Variants in PPFIA2 observed in about 807,000 individuals in gnomAD.
PPFIA2 encodes the protein liprin-alpha-2.
Under a neutral mutation model 175.5 loss-of-function variants are expected in PPFIA2, and 46 were observed. The ratio of observed to expected loss-of-function variants is 0.26; its 90% CI spans 0.21 to 0.34. The LOEUF is 0.34. PPFIA2 is among the 10% of genes least tolerant of loss of function. The probability of loss-of-function intolerance (pLI) is 1.00; values close to 1 mark genes in which losing one functional copy is unlikely to be tolerated. For synonymous variants in PPFIA2, 568 were observed against 511.4 expected (o/e 1.11, Z -1.49); for missense variants, 1,179 against 1,506.1 (o/e 0.78, Z 3.60).
In PPFIA2 at chr12:81,436,279, TAAAAAAAAAAAAAAAAAAAAAAAAAA is replaced by T. The variant is rs763809833; in HGVS notation, c.645+3667_645+3692del. 1.7e-3 allele frequency among the ~76,000 whole-genome samples: 75 copies of T among 44,802 alleles called. 1 individual carries two copies. In the South Asian group the frequency reaches 0.024, roughly 14 times the overall value. The allele number at this position is 44,802 out of a possible 152,430, so 29.4% of individuals were successfully genotyped here. A position where few individuals can be genotyped will look rare whatever the true frequency, so the allele number is the denominator to read the frequency against. On this transcript the variant is annotated intron_variant, in intron 7 of 32. Coordinates refer to ENST00000549396, the MANE Select transcript of PPFIA2 (RefSeq NM_003625.5). Reference sequence around the variant, plus strand: ...CTGGGCAACAGAGTGAGACCCTGTCTAAAAAAAAAAAAAAAAAAAAAAAAAAAAAAAAAAAAAAAAAAAAAAAAAAG... The same window carrying T: ...CTGGGCAACAGAGTGAGACCCTGTCTAAAAAAAAAAAAAAAAAAAAAAAAG...
chr12:81,655,128 T>G (rs1448372924), intron 4 of PPFIA2, among the ~76,000 whole-genome samples: 1 of 152,102 alleles, frequency 6.6e-6, no homozygotes, highest in African/African-American at 2.4e-5. Flanking sequence ...TATCTTTGAT[T>G]GTCTGTAGGA....
At chr12:81,492,019 A>T (rs1361366461) in intron 4 of PPFIA2, among the ~76,000 whole-genome samples, 1 of 152,024 alleles carries the variant, frequency 6.6e-6, no homozygotes, top group Admixed American at 6.6e-5. Flanking sequence ...TTCATTGAAT[A>T]CTTCTCCAAT....
chr12:81,592,289 T>G (rs2058755575), intron 4 of PPFIA2, among the ~76,000 whole-genome samples: 1 of 152,154 alleles, frequency 6.6e-6, no homozygotes, highest in South Asian at 2.1e-4. Context: ...GAAACTTGCC[T>G]TGTCTCAGGT....
chr12:81,288,166 C>T (rs1038433160), intron 24 of PPFIA2, among the ~76,000 whole-genome samples: 17 of 151,848 alleles, frequency 1.1e-4, no homozygotes, highest in Non-Finnish European at 1.9e-4. Flanking sequence ...TCAGGTTCTG[C>T]ACTTCTTAAG....
chr12:81,653,912 T>C (rs1201324717), intron 4 of PPFIA2, among the ~76,000 whole-genome samples: 2 of 152,066 alleles, frequency 1.3e-5, no homozygotes, highest in South Asian at 2.1e-4. Flanking sequence ...ATATAATATA[T>C]GTATATGTGA....
intron 16 of PPFIA2, among the ~76,000 whole-genome samples, chr12:81,356,994 G>A (rs1332808437): frequency 3.3e-5 from 5 of 152,096 alleles, no homozygotes. Context: ...AATGTATGAG[G>A]AGGCTGAGCA....
intron 7 of PPFIA2, chr12:81,430,561 A>T (rs1440229567): frequency 7.0e-6 from 1 of 142,238 alleles, no homozygotes; most frequent in Non-Finnish European, 1.5e-5. Context: ...CTCTCTCTCA[A>T]TATCTTGCTA....
At chr12:81,301,458 A>G (rs1009460632) in intron 22 of PPFIA2, among the ~76,000 whole-genome samples, 3 of 152,134 alleles carry the variant, frequency 2.0e-5, no homozygotes, top group Non-Finnish European at 4.4e-5. Context: ...TACAAAAGCT[A>G]TTTTTAAATA....
At chr12:81,406,178 CT>C (rs1388972887) in intron 7 of PPFIA2, among the ~76,000 whole-genome samples, 4 of 152,070 alleles carry the variant, frequency 2.6e-5, no homozygotes, top group South Asian at 4.1e-4. Flanking sequence ...GGAAATGTAT[CT>C]AAAATCAATG....
chr12:81,500,739 T>C (rs1356900086), intron 4 of PPFIA2, among the ~76,000 whole-genome samples: 3 of 152,214 alleles, frequency 2.0e-5, no homozygotes, highest in South Asian at 2.1e-4. Context: ...CAAAAAGTCA[T>C]GCATTCATGT....
intron 4 of PPFIA2, among the ~76,000 whole-genome samples, chr12:81,525,393 A>C (rs2063617828): frequency 6.6e-6 from 1 of 152,164 alleles, no homozygotes; most frequent in African/African-American, 2.4e-5. Flanking sequence ...GGTTGACTAA[A>C]CCAGGTAAAA....
intron 15 of PPFIA2, among the ~76,000 whole-genome samples, chr12:81,361,934 C>A (rs2030670420): frequency 6.6e-6 from 1 of 151,414 alleles, no homozygotes; most frequent in South Asian, 2.1e-4. Flanking sequence ...TAAAACATCT[C>A]AAACACAAAA....
chr12:81,640,590 A>G (rs2064828229), intron 4 of PPFIA2, among the ~76,000 whole-genome samples: 1 of 152,118 alleles, frequency 6.6e-6, no homozygotes, highest in Non-Finnish European at 1.5e-5. Context: ...CTAAAACTCC[A>G]GTTTAAATTT....
intron 3 of PPFIA2, among the ~76,000 whole-genome samples, chr12:81,706,020 T>A (rs12820360): frequency 0.019 from 2,950 of 152,320 alleles, 62 homozygotes; most frequent in East Asian, 0.1. Context: ...ATTTTTTTAT[T>A]TATTTTTCTT....
At chr12:81,589,174 A>C (rs1412379175) in intron 4 of PPFIA2, among the ~76,000 whole-genome samples, 1 of 152,068 alleles carries the variant, frequency 6.6e-6, no homozygotes, top group Non-Finnish European at 1.5e-5. Context: ...AATGAGAATA[A>C]GGATGCAGCA....
chr12:81,444,100 C>A (rs578141136), intron 6 of PPFIA2, among the ~76,000 whole-genome samples: 27 of 151,678 alleles, frequency 1.8e-4, no homozygotes, highest in Admixed American at 1.8e-3. Context: ...GTGATCCGCC[C>A]GCCTCGGCCT....
intron 4 of PPFIA2, among the ~76,000 whole-genome samples, chr12:81,497,577 T>C (rs1021057059): frequency 6.7e-6 from 1 of 149,664 alleles, no homozygotes; most frequent in Admixed American, 6.7e-5. Context: ...TTTGCTCTTA[T>C]TGCCCAGGCT....
intron 28 of PPFIA2, chr12:81,270,820 T>C (rs555891244): frequency 6.6e-6 from 1 of 152,320 alleles, no homozygotes; most frequent in East Asian, 1.9e-4. Context: ...TAACACCCAT[T>C]ATGAACTGAA....
rs528195374 is a variant in PPFIA2 at position 81,580,261 on chromosome 12, G to T, written c.303+96530C>A. Among the ~76,000 whole-genome samples the T allele has an allele frequency of 1.1e-4, 16 of 151,842 alleles. No individual in the cohort carries two copies. The South Asian group carries it at 1.7e-3, about 16-fold the overall frequency. On this transcript the variant is annotated intron_variant, in intron 4 of 32. Transcript: ENST00000549396. ...CCTTGATGACAATCCCTTGAGGTTGGTATTCCTATCTGCCCCATTTTACAG... is the reference window on the plus strand; with the variant it reads ...CCTTGATGACAATCCCTTGAGGTTGTTATTCCTATCTGCCCCATTTTACAG...
Sources: gnomAD v4.1 joint callset for allele counts (sites outside exome capture counted in the v4.1 genomes callset) on GRCh38, gnomAD v4.1.1 for gene constraint, MANE v1.5 for transcripts, NCBI Gene and HGNC (gene_info 2026-07-23, HGNC 2026-07-21) for gene names.